FAT3: variants seen among roughly 807,000 people sequenced by gnomAD.
The protein encoded by FAT3 is protocadherin Fat 3.
A neutral mutation model predicts 310.2 loss-of-function variants in FAT3; 95 were observed. That is an observed-to-expected ratio of 0.31 (90% CI 0.26 to 0.36). The LOEUF (loss-of-function observed/expected upper bound fraction) is 0.36, where lower values mean the gene tolerates loss of function less well. Among genes scored for constraint, FAT3 ranks in the 10% least tolerant of loss-of-function variants. The pLI is 1.00. For missense variants in FAT3, 5,408 were observed against 5,715.6 expected (o/e 0.95, Z 1.74); for synonymous variants, 2,314 against 2,192.9 (o/e 1.06, Z -1.54).
At chr11:92,368,310 A>G (rs1012643302) in intron 2 of FAT3, among the ~76,000 whole-genome samples, 1 of 152,348 alleles carries the variant, frequency 6.6e-6, no homozygotes, top group South Asian at 2.1e-4. Flanking sequence ...TTTTAATGAC[A>G]TGCCAATTTT....
intron 21 of FAT3, among the ~76,000 whole-genome samples, chr11:92,862,414 A>T (rs1591825915): frequency 6.6e-6 from 1 of 152,220 alleles, no homozygotes; most frequent in South Asian, 2.1e-4. Context: ...AGAACACTTT[A>T]TCTCTGTGTC....
intron 7 of FAT3, among the ~76,000 whole-genome samples, chr11:92,775,147 A>C (rs1025031837): frequency 6.6e-6 from 1 of 152,218 alleles, no homozygotes; most frequent in African/African-American, 2.4e-5. Flanking sequence ...TGCTGAGCCC[A>C]GATATGTCCT....
intron 3 of FAT3, among the ~76,000 whole-genome samples, chr11:92,640,263 G>A (rs535813854): frequency 6.6e-6 from 1 of 152,244 alleles, no homozygotes; most frequent in African/African-American, 2.4e-5. Flanking sequence ...CCAAGCAGCT[G>A]TGGGACAGGA....
intron 2 of FAT3, among the ~76,000 whole-genome samples, chr11:92,409,103 G>A (rs1950197191): frequency 6.6e-6 from 1 of 152,010 alleles, no homozygotes; most frequent in South Asian, 2.1e-4. Context: ...TCTTCTCTGG[G>A]CTTTCTTCTC....
chr11:92,409,733 A>C (rs185575566), intron 2 of FAT3, among the ~76,000 whole-genome samples: 2 of 152,298 alleles, frequency 1.3e-5, no homozygotes, highest in African/African-American at 4.8e-5. Context: ...ACCATATTTC[A>C]CAGTTAGAAG....
chr11:92,373,760 G>GCGCA (rs1491510093), intron 2 of FAT3, among the ~76,000 whole-genome samples: 1 of 129,996 alleles, frequency 7.7e-6, no homozygotes, highest in African/African-American at 2.7e-5. Flanking sequence ...AGATATGTAT[G>GCGCA]CACACACACA....
chr11:92,489,505 C>A (rs1226710841), intron 2 of FAT3, among the ~76,000 whole-genome samples: 1 of 151,984 alleles, frequency 6.6e-6, no homozygotes, highest in Non-Finnish European at 1.5e-5. Context: ...ATTGCAGTGG[C>A]CTCTATACGA....
At chr11:92,778,026 C>T (rs1220387853) in intron 7 of FAT3, among the ~76,000 whole-genome samples, 1 of 151,966 alleles carries the variant, frequency 6.6e-6, no homozygotes, top group Non-Finnish European at 1.5e-5. Context: ...GTGGCTGCAT[C>T]CCCATCCTTT....
In FAT3 at chr11:92,353,037, T is replaced by G; in HGVS notation, c.925T>G (p.Leu309Val). The G allele has an allele frequency of 6.2e-7, 1 of 1,613,588 alleles. No homozygotes were observed. Among genetic ancestry groups the G allele is most frequent in the Non-Finnish European group, 8.5e-7 (1 of 1,179,826 alleles). The change falls in exon 2 of 28, where the codon TTA becomes GTA. Residue 309 changes from leucine to valine, a missense_variant. This residue lies in a region of FAT3 where 4,588 missense variants were observed against 4,809.8 expected (regional missense o/e 0.95). Coordinates refer to ENST00000525166, the MANE Select transcript of FAT3 (RefSeq NM_001367949.2). ...TGTTTCCATTGTGGCTGGGGATCCT[T>G]TAGATCAGTTCTTCCTGGCTAAGGA... ...ESVSIVAGDP[L>V]DQFFLAKEGK...
intron 4 of FAT3, among the ~76,000 whole-genome samples, chr11:92,710,413 T>C (rs150605575): frequency 4.6e-5 from 7 of 152,308 alleles, no homozygotes; most frequent in South Asian, 2.1e-4. Flanking sequence ...GCATGTCCCA[T>C]CTTTGCCCTC....
chr11:92,241,636 G>T (rs551569685), intron 1 of FAT3, among the ~76,000 whole-genome samples: 21 of 151,946 alleles, frequency 1.4e-4, no homozygotes, highest in African/African-American at 4.3e-4. Context: ...GAAGGTGGAG[G>T]GGTCCAATTT....
rs373715316 is a variant in FAT3 at position 92,777,632 on chromosome 11, A to G, written c.4335+3452A>G. Among the ~76,000 whole-genome samples the G allele has an allele frequency of 5.9e-5, 9 of 152,224 alleles. No homozygotes were observed. In the South Asian group the frequency reaches 1.7e-3, roughly 28 times the overall value. ...ATACTTTTTATAATACAATGTTAGT[A>G]TTTGGCAACATGGGCTTTGTAGCAG... On this transcript the variant is annotated intron_variant, in intron 7 of 27. Coordinates refer to ENST00000525166, the MANE Select transcript of FAT3 (RefSeq NM_001367949.2).
At chr11:92,822,522 T>A (rs530008922) in intron 13 of FAT3, among the ~76,000 whole-genome samples, 1 of 152,198 alleles carries the variant, frequency 6.6e-6, no homozygotes. Flanking sequence ...AATGTGCTTA[T>A]CAGCTTTGCT....
rs1949811899 is a variant in FAT3, at chr11:92,887,055, C to T, written c.12993C>T (p.Gly4331=). 1.2e-6 allele frequency: 2 copies of T among 1,611,696 alleles called. No individual in the cohort carries two copies. ...CCTGCTTTGCAGGTAGTAATAAAGGCAGCAACTCTGAAGTTCAGTCCCTCA... is the reference window on the plus strand; with the variant it reads ...CCTGCTTTGCAGGTAGTAATAAAGGTAGCAACTCTGAAGTTCAGTCCCTCA... ...EVTCFAGSNK[G]SNSEVQSLSS... Residue 4331 remains glycine, a synonymous_variant, in exon 25 of 28, where the codon GGC becomes GGT. Transcript: ENST00000525166.
At chr11:92,726,958 A>T (rs547335490) in intron 4 of FAT3, among the ~76,000 whole-genome samples, 114 of 152,192 alleles carry the variant, frequency 7.5e-4, no homozygotes, top group African/African-American at 2.6e-3. Context: ...TCTCCCTAGG[A>T]TTCTTAAATC....
chr11:92,594,630 T>A (rs2446186), intron 3 of FAT3, among the ~76,000 whole-genome samples: 83,199 of 152,000 alleles, frequency 0.55, 23,856 homozygotes, highest in African/African-American at 0.72. Flanking sequence ...CTGTGCTGGA[T>A]ACAGGGGATA....
intron 3 of FAT3, among the ~76,000 whole-genome samples, chr11:92,597,098 G>A (rs58098262): frequency 0.028 from 4,265 of 152,180 alleles, 219 homozygotes; most frequent in African/African-American, 0.097. Flanking sequence ...TTGAAAATGT[G>A]TCTGATGTCA....
At chr11:92,630,267 T>G (rs181207668) in intron 3 of FAT3, among the ~76,000 whole-genome samples, 108 of 152,282 alleles carry the variant, frequency 7.1e-4, no homozygotes, top group Admixed American at 3.5e-3. Flanking sequence ...CTTTGGTCTC[T>G]TTGATGATTC....
chr11:92,354,220 A>G lies in FAT3; in HGVS notation c.2108A>G (p.Asn703Ser), dbSNP rs757795933. Residue 703 changes from asparagine (N) to serine (S), a missense_variant, in exon 2 of 28, where the codon AAT becomes AGT. Physicochemically the swap from Asn to Ser is conservative, Grantham distance 46 (BLOSUM62 1). Coordinates refer to ENST00000525166, the MANE Select transcript of FAT3 (RefSeq NM_001367949.2). ...AAACTACTCATTAAGGCAAAAGCAA[A>G]TGGGAAACTGAATCTGGAAGATGGA... ...AEKLLIKAKANGKLNLEDGFL... is the reference protein window; with the variant it reads ...AEKLLIKAKASGKLNLEDGFL... 1.2e-6 allele frequency: 2 copies of G among 1,613,826 alleles called. No individual in the cohort carries two copies. The highest frequency in any genetic ancestry group is 3.3e-5 in the Admixed American group (2 of 59,986).
Sources: allele counts gnomAD v4.1 joint callset (sites outside exome capture counted in the v4.1 genomes callset), GRCh38; gene constraint gnomAD v4.1.1; regional missense constraint gnomAD v4.1.1; transcripts MANE v1.5; gene names NCBI Gene and HGNC (gene_info 2026-07-23, HGNC 2026-07-21).